The following SH3GL3 variants were observed in gnomAD, a reference collection of about 807,000 sequenced individuals.
SH3GL3 encodes SH3 domain containing GRB2 like 3, endophilin A3.
SH3GL3 carries 33 observed loss-of-function variants against 47.7 expected under a neutral mutation model. The observed-to-expected ratio is 0.69, with a 90% CI of 0.52 to 0.92. The LOEUF (loss-of-function observed/expected upper bound fraction) is 0.92, where lower values mean the gene tolerates loss of function less well. Ranked by LOEUF, SH3GL3 falls within the 40% of genes least tolerant of loss-of-function variation. The probability of loss-of-function intolerance (pLI) is 0.00; values close to 1 mark genes in which losing one functional copy is unlikely to be tolerated. For missense variants in SH3GL3, 363 were observed against 417.8 expected, an observed-to-expected ratio of 0.87 and a Z score of 1.14; for synonymous variants, 155 against 148.8, an observed-to-expected ratio of 1.04 and a Z score of -0.30.
At chr15:83,629,818 TTAAATAAA>T in the SH3GL3 span, among the ~76,000 whole-genome samples, 26 of 151,656 alleles carry the variant, frequency 1.7e-4, no homozygotes, top group African/African-American at 4.3e-4. Flanking sequence ...AGACTCTGTC[TTAAATAAA>T]TAAATAAATA....
intron 1 of SH3GL3, among the ~76,000 whole-genome samples, chr15:83,464,721 T>TA (rs1434136525): frequency 6.6e-6 from 1 of 152,154 alleles, no homozygotes; most frequent in African/African-American, 2.4e-5. Context: ...ACTTTCAAAA[T>TA]ACAACCGTTT....
chr15:83,479,931 T>C (rs969740995), intron 1 of SH3GL3, among the ~76,000 whole-genome samples: 1 of 152,212 alleles, frequency 6.6e-6, no homozygotes, highest in Non-Finnish European at 1.5e-5. Flanking sequence ...TGAACTGATA[T>C]GTGTAAGGCA....
chr15:83,486,502 C>T (rs1218638890), intron 1 of SH3GL3, among the ~76,000 whole-genome samples: 1 of 152,078 alleles, frequency 6.6e-6, no homozygotes, highest in Non-Finnish European at 1.5e-5. Context: ...AATATGTGAC[C>T]TTTTGTGTTT....
intron 1 of SH3GL3, among the ~76,000 whole-genome samples, chr15:83,533,765 C>T (rs1427443062): frequency 6.6e-6 from 1 of 152,122 alleles, no homozygotes; most frequent in Non-Finnish European, 1.5e-5. Flanking sequence ...AGGGAAGTTT[C>T]TGTTTCTTTG....
At chr15:83,486,535 G>A (rs867856485) in intron 1 of SH3GL3, among the ~76,000 whole-genome samples, 1 of 152,222 alleles carries the variant, frequency 6.6e-6, no homozygotes, top group Middle Eastern at 3.4e-3. Flanking sequence ...TTAGCACAGT[G>A]TTTTTGATAT....
In SH3GL3 at chr15:83,447,399, C is replaced by T; in HGVS notation, c.-135C>T. On this transcript the variant is annotated 5_prime_UTR_variant, in exon 1 of 9. Transcript: ENST00000427482. This position sits in a 1 kb window ranked among gnomAD's most constrained non-coding sequence, Gnocchi z 5.1. ...GTGTGACAGCGGCTGTGGCTGTGGCCGTGGCCGTGGGAGGCGGGCCCGGCG... is the reference window on the plus strand; with the variant it reads ...GTGTGACAGCGGCTGTGGCTGTGGCTGTGGCCGTGGGAGGCGGGCCCGGCG... The T allele has an allele frequency of 7.6e-6, 4 of 527,320 alleles. No individual in the cohort carries two copies. The highest frequency in any genetic ancestry group is 8.8e-6 in the Non-Finnish European group (3 of 339,346). 32.7% of individuals were successfully genotyped at this position (527,320 alleles called of 1,614,324 possible).
At position 83,448,553 on chromosome 15, in the gene SH3GL3, A is replaced by G. The variant is rs1413422768; in HGVS notation, c.45+975A>G. Among the ~76,000 whole-genome samples the G allele has an allele frequency of 2.0e-5, 3 of 151,648 alleles. No individual in the cohort carries two copies. Among genetic ancestry groups the G allele is most frequent in the African/African-American group, 7.3e-5 (3 of 41,232 alleles). On this transcript the variant is annotated intron_variant, in intron 1 of 8. Transcript: ENST00000427482. This position sits in a 1 kb window ranked among gnomAD's most constrained non-coding sequence, Gnocchi z 4.2. ...CCAGCTATGGCAGAGCTCACGTTGT[A>G]AAACCTGTTCCCCACCAGCACCGCT... is the stretch of plus-strand genomic sequence containing the variant.
chr15:83,487,839 T>G (rs2041678272), intron 1 of SH3GL3, among the ~76,000 whole-genome samples: 1 of 151,940 alleles, frequency 6.6e-6, no homozygotes, highest in Non-Finnish European at 1.5e-5. Context: ...TATCCATTTT[T>G]TTTTCTTTCT....
chr15:83,450,962 G>T (rs1230949038), intron 1 of SH3GL3, among the ~76,000 whole-genome samples: 1 of 94,704 alleles, frequency 1.1e-5, no homozygotes, highest in Non-Finnish European at 2.0e-5. Flanking sequence ...CCCCTCCCCC[G>T]ACCCCACCAC....
intron 1 of SH3GL3, among the ~76,000 whole-genome samples, chr15:83,526,810 T>TA (rs139212685): frequency 1.3e-5 from 2 of 151,914 alleles, no homozygotes; most frequent in African/African-American, 2.4e-5. Context: ...CCCCTGAACT[T>TA]AAAAAAAACC....
At chr15:83,508,300 G>A (rs1441857114) in intron 1 of SH3GL3, among the ~76,000 whole-genome samples, 1 of 152,074 alleles carries the variant, frequency 6.6e-6, no homozygotes, top group African/African-American at 2.4e-5. Context: ...ACATTTAAAC[G>A]AAGACTTGGA....
At chr15:83,555,816 T>C (rs1451418169) in intron 1 of SH3GL3, among the ~76,000 whole-genome samples, 2 of 152,248 alleles carry the variant, frequency 1.3e-5, no homozygotes, top group African/African-American at 4.8e-5. Context: ...TGTCATAGCC[T>C]GTGTGCAGGC....
chr15:83,466,960 A>C (rs1188545138), intron 1 of SH3GL3, among the ~76,000 whole-genome samples: 1 of 152,180 alleles, frequency 6.6e-6, no homozygotes, highest in Admixed American at 6.5e-5. Flanking sequence ...TCTGTTGGAT[A>C]TGTGTTTGCA....
chr15:83,633,535 G>A, the SH3GL3 span, among the ~76,000 whole-genome samples: 5 of 152,112 alleles, frequency 3.3e-5, no homozygotes, highest in Non-Finnish European at 5.9e-5. Flanking sequence ...CCCATGGTAT[G>A]CCCGCTATGA....
chr15:83,624,423 G>A, the SH3GL3 span, among the ~76,000 whole-genome samples: 1 of 152,208 alleles, frequency 6.6e-6, no homozygotes, highest in African/African-American at 2.4e-5. Flanking sequence ...GCAGGTGAAA[G>A]CGCAAAGAGC....
Position 83,447,708 on chromosome 15 carries a change from G to A in SH3GL3, c.45+130G>A, listed in dbSNP as rs1037264616. On this transcript the variant is annotated intron_variant, in intron 1 of 8. Coordinates refer to ENST00000427482, the MANE Select transcript of SH3GL3 (RefSeq NM_003027.5). This position sits in a 1 kb window ranked among gnomAD's most constrained non-coding sequence, Gnocchi z 5.1. The stretch of plus-strand genomic sequence containing the variant: ...GGGCTCAATTTCTTCCCGCCTAGGA[G>A]GGCGCGAGGGTGGGGTGAGGGGCCG... 6.6e-6 allele frequency: 4 copies of A among 604,714 alleles called. No individual in the cohort carries two copies. The highest frequency in any genetic ancestry group is 1.1e-5 in the Non-Finnish European group (4 of 380,092). 37.5% of individuals were successfully genotyped at this position (604,714 alleles called of 1,614,324 possible). A position where few individuals can be genotyped will look rare whatever the true frequency, so the allele number is the denominator to read the frequency against.
intron 8 of SH3GL3, among the ~76,000 whole-genome samples, chr15:83,597,807 A>G (rs747708916): frequency 6.6e-5 from 10 of 152,018 alleles, no homozygotes; most frequent in Non-Finnish European, 1.2e-4. Context: ...ACGGGGTTTC[A>G]CCATGTTGGC....
At chr15:83,608,338 A>T (rs1268969099) in intron 8 of SH3GL3, among the ~76,000 whole-genome samples, 1 of 152,162 alleles carries the variant, frequency 6.6e-6, no homozygotes, top group East Asian at 1.9e-4. Context: ...GGACCCAAAG[A>T]TGACCTAATC....
At chr15:83,530,187 T>A (rs1347754194) in intron 1 of SH3GL3, among the ~76,000 whole-genome samples, 1 of 152,132 alleles carries the variant, frequency 6.6e-6, no homozygotes, top group Admixed American at 6.5e-5. Context: ...TGCAGTTGCT[T>A]AGGTATCAGG....
Sources: gnomAD v4.1 joint callset for allele counts (sites outside exome capture counted in the v4.1 genomes callset) on GRCh38, gnomAD v4.1.1 for gene constraint, Gnocchi (gnomAD v3.1) non-coding constraint, MANE v1.5 for transcripts, NCBI Gene and HGNC (gene_info 2026-07-23, HGNC 2026-07-21) for gene names.